The following C6orf58 variants were observed in gnomAD, a reference collection of about 807,000 sequenced individuals.
C6orf58 encodes protein LEG1 homolog.
In C6orf58, 30 loss-of-function variants were observed where a neutral mutation model predicts 37.0. That is an observed-to-expected ratio of 0.81 (90% CI 0.61 to 1.10). C6orf58 has a LOEUF of 1.10. C6orf58 is among the 50% of genes least tolerant of loss of function. C6orf58 has a pLI of 0.00. For synonymous variants in C6orf58, 143 were observed against 134.1 expected (o/e 1.07, Z -0.46); for missense variants, 368 against 387.5 (o/e 0.95, Z 0.42).
intron 2 of C6orf58, among the ~76,000 whole-genome samples, chr6:127,579,584 T>G (rs1020072681): frequency 6.6e-6 from 1 of 152,088 alleles, no homozygotes; most frequent in Admixed American, 6.6e-5. Context: ...GGATGAAATA[T>G]TCTACATCAC....
chr6:127,578,871 G>A, intron 2 of C6orf58, 99 bp downstream of exon 2: 2 of 854,202 alleles, frequency 2.3e-6, no homozygotes, highest in Non-Finnish European at 3.8e-6. Context: ...AAATAATCCT[G>A]TTCCTATTTT....
At chr6:127,581,517 A>C (rs1282954870) in intron 4 of C6orf58, among the ~76,000 whole-genome samples, 2 of 151,840 alleles carry the variant, frequency 1.3e-5, no homozygotes, top group South Asian at 2.1e-4. Context: ...GAAAAAACAA[A>C]AAAAAAAGCA....
rs577746861 is a variant in C6orf58, at chr6:127,582,951, G to A, written c.674+1669G>A. 1.1e-4 allele frequency among the ~76,000 whole-genome samples: 17 copies of A among 152,282 alleles called. 1 individual carries two copies. In the East Asian group the frequency reaches 3.1e-3, roughly 28 times the overall value. On this transcript the variant is annotated intron_variant, in intron 4 of 5. Transcript: ENST00000329722. ...GATAGTCTCCTGTGTGAGATGCCTT[G>A]TGCGTTATGAGTCAGCATTATGAGT... is the stretch of plus-strand genomic sequence containing the variant.
At position 127,578,537 on chromosome 6, in the gene C6orf58, A is replaced by AT. The variant is rs567792149; in HGVS notation, c.302-148dup. On this transcript the variant is annotated intron_variant, in intron 1 of 5. Coordinates refer to ENST00000329722, the MANE Select transcript of C6orf58 (RefSeq NM_001010905.3). ...GAAATTAGAAACTAAAAAATAAAAGATAAAAAAAGAATGATGGGAATACAA... is the reference window on the plus strand; with the variant it reads ...GAAATTAGAAACTAAAAAATAAAAGATTAAAAAAAGAATGATGGGAATACAA... The AT allele has an allele frequency of 1.0e-4, 50 of 492,142 alleles. No homozygotes were observed. In the South Asian group the frequency reaches 1.9e-3, roughly 19 times the overall value. 30.5% of individuals were successfully genotyped at this position (492,142 alleles called of 1,614,324 possible).
Position 127,581,192 on chromosome 6 carries a change from C to T in C6orf58, c.584C>T (p.Ser195Leu), listed in dbSNP as rs1287979099. ...ACCTCTTTACCTTAGTATTTGCAGT[C>T]ACCTTTTAGTAAGTTTGATGATCTG... ...KWNTFYQYLQ[S>L]PFSKFDDLLK... is the part of the protein sequence containing the mutation. Residue 195 changes from serine (S) to leucine (L), a missense_variant, in exon 4 of 6, where the codon TCA (serine) becomes TTA (leucine). By Grantham distance (145) the Ser-to-Leu change is moderately radical. Coordinates refer to ENST00000329722, the MANE Select transcript of C6orf58 (RefSeq NM_001010905.3). 1 of 1,484,560 alleles carries T rather than the reference C, an allele frequency of 6.7e-7. No homozygotes were observed. The highest frequency in any genetic ancestry group is 1.4e-5 in the African/African-American group (1 of 70,720). The allele number at this position is 1,484,560 out of a possible 1,614,324, so 92.0% of individuals were successfully genotyped here.
chr6:127,577,528 G>T (rs778255087), intron 1 of C6orf58, 42 bp downstream of exon 1: 3 of 1,565,304 alleles, frequency 1.9e-6, no homozygotes, highest in Admixed American at 1.8e-5. Context: ...TCTACCGATA[G>T]ACCTATGAAG....
intron 5 of C6orf58, 51 bp from the exon 6 acceptor site, chr6:127,591,491 AC>A (rs1242658050): frequency 2.4e-5 from 35 of 1,443,574 alleles, no homozygotes; most frequent in Non-Finnish European, 3.1e-5. Context: ...GCCAAAAGGT[AC>A]TTTAAAAAAT....
chr6:127,580,449 G>A lies in C6orf58; in HGVS notation c.573G>A (p.Gln191=), dbSNP rs1775037630. The part of the protein sequence containing the change: ...ETMNKWNTFY[Q]YLQSPFSKFD... ...TGAACAAGTGGAACACCTTTTACCA[G>A]GTTCCTTCTTTATACTCTTACGAGA... is the stretch of plus-strand genomic sequence containing the variant. The change falls in exon 3 of 6, where the codon CAG becomes CAA. Residue 191 remains glutamine (Q), a splice_region_variant and synonymous_variant. Coordinates refer to ENST00000329722, the MANE Select transcript of C6orf58 (RefSeq NM_001010905.3). 6.2e-7 allele frequency: 1 copy of A among 1,608,186 alleles called. No individual in the cohort carries two copies. Among genetic ancestry groups the A allele is most frequent in the Non-Finnish European group, 8.5e-7 (1 of 1,175,790 alleles).
Position 127,580,345 on chromosome 6 carries a change from A to G in C6orf58, c.469A>G (p.Arg157Gly). 1.9e-6 allele frequency: 3 copies of G among 1,613,126 alleles called. No individual in the cohort carries two copies. The South Asian group carries it at 3.3e-5, about 18-fold the overall frequency. ...AATGGGGATATCATCAGACCAAGTC[A>G]GGCTTTTGCCCCCACCCAAGAATGA... ...GVMGISSDQV[R>G]LLPPPKNERK... Residue 157 changes from arginine (R) to glycine (G), a missense_variant, in exon 3 of 6, where the codon AGG becomes GGG. Arg to Gly is a moderately radical substitution (Grantham distance 125). Transcript: ENST00000329722.
intron 2 of C6orf58, among the ~76,000 whole-genome samples, chr6:127,579,127 CT>C (rs1197027663): frequency 2.0e-5 from 3 of 152,050 alleles, no homozygotes; most frequent in Non-Finnish European, 4.4e-5. Context: ...ACAAATGATG[CT>C]TTTTCATTTT....
chr6:127,584,884 A>G (rs1161814410), intron 4 of C6orf58, among the ~76,000 whole-genome samples: 1 of 152,142 alleles, frequency 6.6e-6, no homozygotes, highest in Non-Finnish European at 1.5e-5. Context: ...CAACCTCATG[A>G]TATTTGTTCA....
Position 127,579,399 on chromosome 6 carries a change from C to T in C6orf58, c.388+627C>T, listed in dbSNP as rs138866725. 7.9e-3 allele frequency among the ~76,000 whole-genome samples: 1,201 copies of T among 152,176 alleles called. 7 individuals are homozygous for T. Among genetic ancestry groups the T allele is most frequent in the Middle Eastern group, 0.034 (10 of 294 alleles). ...TTCACTTTTTCAGGGCAACACACATCATATGTATCCTTAAGCATTTTCCAC... is the reference window on the plus strand; with the variant it reads ...TTCACTTTTTCAGGGCAACACACATTATATGTATCCTTAAGCATTTTCCAC... On this transcript the variant is annotated intron_variant, in intron 2 of 5. Coordinates refer to ENST00000329722, the MANE Select transcript of C6orf58 (RefSeq NM_001010905.3).
intron 5 of C6orf58, 119 bp downstream of exon 5, chr6:127,590,444 G>T: frequency 1.5e-6 from 1 of 675,312 alleles, no homozygotes. Context: ...AGATTTCCCT[G>T]TGGGTATCCA....
At position 127,591,689 on chromosome 6, in the gene C6orf58, C is replaced by T; in HGVS notation, c.*67C>T. ...AAATGAAAAACTCGAACTTGACAAT[C>T]AGTAATTTCAAAAAATTAATGTCAT... On this transcript the variant is annotated 3_prime_UTR_variant, in exon 6 of 6. Coordinates refer to ENST00000329722, the MANE Select transcript of C6orf58 (RefSeq NM_001010905.3). 2 of 1,333,346 alleles carry T rather than the reference C, an allele frequency of 1.5e-6. No homozygotes were observed. Among genetic ancestry groups the T allele is most frequent in the Non-Finnish European group, 2.0e-6 (2 of 1,016,496 alleles). The allele number at this position is 1,333,346 out of a possible 1,614,324, so 82.6% of individuals were successfully genotyped here.
rs769851918 is a variant in C6orf58, at chr6:127,577,209, T to C, written c.24T>C (p.Val8=). Residue 8 remains valine, a synonymous_variant, in exon 1 of 6, where the codon GTT becomes GTC. Coordinates refer to ENST00000329722, the MANE Select transcript of C6orf58 (RefSeq NM_001010905.3). ...CAATGGCTTTTCTTCCTTCCTGGGT[T>C]TGTGTACTAGTTGGTTCCTTTTCTG... MAFLPSW[V]CVLVGSFSAS... The C allele has an allele frequency of 1.2e-6, 2 of 1,613,398 alleles. No homozygotes were observed. Among genetic ancestry groups the C allele is most frequent in the Admixed American group, 3.3e-5 (2 of 59,912 alleles).
intron 4 of C6orf58, among the ~76,000 whole-genome samples, chr6:127,587,631 A>G (rs556023723): frequency 1.3e-5 from 2 of 152,232 alleles, no homozygotes; most frequent in African/African-American, 4.8e-5. Flanking sequence ...AATAATGTAC[A>G]AATTAAGATG....
intron 4 of C6orf58, among the ~76,000 whole-genome samples, chr6:127,588,758 C>T (rs1326414210): frequency 6.6e-6 from 1 of 152,116 alleles, no homozygotes; most frequent in Admixed American, 6.5e-5. Flanking sequence ...AACTGGTGCA[C>T]TCATCTCTTC....
chr6:127,583,655 T>C (rs2114295001), intron 4 of C6orf58, among the ~76,000 whole-genome samples: 1 of 152,236 alleles, frequency 6.6e-6, no homozygotes, highest in Admixed American at 6.5e-5. Context: ...GAGCTTGGTG[T>C]GGTACCTTCT....
At chr6:127,580,212 C>G (rs1456895835) in intron 2 of C6orf58, 53 bp from the exon 3 acceptor site, 3 of 1,359,154 alleles carry the variant, frequency 2.2e-6, no homozygotes, top group Admixed American at 1.9e-5. Flanking sequence ...TAAAAATATC[C>G]TCTTTGAAAT....
Sources: allele counts gnomAD v4.1 joint callset (sites outside exome capture counted in the v4.1 genomes callset), GRCh38; gene constraint gnomAD v4.1.1; transcripts MANE v1.5; gene names NCBI Gene and HGNC (gene_info 2026-07-23, HGNC 2026-07-21).